Variants in DGKI observed in about 807,000 individuals in gnomAD.
DGKI encodes diacylglycerol kinase iota, also known as DAG kinase iota.
Under a neutral mutation model 147.5 loss-of-function variants are expected in DGKI, and 55 were observed. The ratio of observed to expected loss-of-function variants is 0.37; its 90% CI spans 0.30 to 0.47. The LOEUF is 0.47. Ranked by LOEUF, DGKI falls within the 20% of genes least tolerant of loss-of-function variation. DGKI has a pLI of 1.00. For missense variants in DGKI, 1,007 were observed against 1,323.8 expected (o/e 0.76, Z 3.71); for synonymous variants, 469 against 477.1 (o/e 0.98, Z 0.22).
At chr7:137,616,859 T>C (rs751981815) in intron 8 of DGKI, among the ~76,000 whole-genome samples, 68 of 152,092 alleles carry the variant, frequency 4.5e-4, no homozygotes, top group Non-Finnish European at 8.2e-4. Context: ...TTTGTTGGGA[T>C]GAAGGAAAGG....
chr7:137,581,767 G>T, intron 15 of DGKI, 83 bp downstream of exon 15: 2 of 1,166,568 alleles, frequency 1.7e-6, no homozygotes, highest in Non-Finnish European at 1.3e-6. Context: ...AAACGCGTAA[G>T]TGATATACAA....
chr7:137,402,717 C>A (rs187423433), intron 30 of DGKI, among the ~76,000 whole-genome samples: 20 of 152,294 alleles, frequency 1.3e-4, no homozygotes, highest in Admixed American at 1.1e-3. Context: ...TGCCAGCAGA[C>A]CATTCCAAAT....
intron 32 of DGKI, 62 bp downstream of exon 32, chr7:137,395,536 A>G (rs1309036321): frequency 2.0e-6 from 3 of 1,506,438 alleles, no homozygotes; most frequent in Admixed American, 3.4e-5. Flanking sequence ...GTCACAAGCA[A>G]AGGCAACAGC....
intron 1 of DGKI, among the ~76,000 whole-genome samples, chr7:137,747,696 C>T (rs1050856773): frequency 6.6e-6 from 1 of 152,086 alleles, no homozygotes; most frequent in East Asian, 1.9e-4. Context: ...TTCAAGACAC[C>T]AAGAACCTGG....
At chr7:137,676,379 G>A (rs1585359028) in intron 3 of DGKI, among the ~76,000 whole-genome samples, 1 of 152,054 alleles carries the variant, frequency 6.6e-6, no homozygotes, top group Admixed American at 6.5e-5. Context: ...GTCCTTCCTG[G>A]GTTTTTTCTT....
intron 28 of DGKI, among the ~76,000 whole-genome samples, chr7:137,416,511 G>A (rs1432595179): frequency 2.6e-5 from 4 of 152,176 alleles, no homozygotes; most frequent in Non-Finnish European, 5.9e-5. Flanking sequence ...CAGGTAACGC[G>A]ATCCAAGGTT....
At chr7:137,602,561 A>G (rs1004591143) in intron 10 of DGKI, among the ~76,000 whole-genome samples, 10 of 152,222 alleles carry the variant, frequency 6.6e-5, no homozygotes, top group African/African-American at 1.7e-4. Flanking sequence ...TATCTAAAAG[A>G]AAGCGTTGAA....
intron 27 of DGKI, among the ~76,000 whole-genome samples, chr7:137,447,382 A>T (rs1464799107): frequency 1.3e-5 from 2 of 152,220 alleles, no homozygotes; most frequent in African/African-American, 4.8e-5. Flanking sequence ...TAAAAAATAT[A>T]TAATGATCAA....
intron 1 of DGKI, among the ~76,000 whole-genome samples, chr7:137,811,659 T>C (rs1250682401): frequency 6.6e-6 from 1 of 152,230 alleles, no homozygotes. Flanking sequence ...AGGCATCATG[T>C]ACACCCAATT....
intron 28 of DGKI, among the ~76,000 whole-genome samples, chr7:137,416,298 G>A (rs759726070): frequency 4.6e-5 from 7 of 152,202 alleles, no homozygotes; most frequent in Admixed American, 4.6e-4. Context: ...TCTTGACTAG[G>A]TGTGGAGTTC....
At chr7:137,822,181 T>C (rs942906922) in intron 1 of DGKI, among the ~76,000 whole-genome samples, 1 of 152,118 alleles carries the variant, frequency 6.6e-6, no homozygotes, top group Non-Finnish European at 1.5e-5. Context: ...CTGAGGCGGT[T>C]GGATCACCTG....
chr7:137,442,672 GA>G (rs1280438915), intron 28 of DGKI, among the ~76,000 whole-genome samples: 3 of 152,182 alleles, frequency 2.0e-5, no homozygotes, highest in Non-Finnish European at 4.4e-5. Flanking sequence ...TTTTCCCTAT[GA>G]TTCTTCATAG....
chr7:137,740,220 T>G (rs1795137643), intron 1 of DGKI, among the ~76,000 whole-genome samples: 1 of 152,220 alleles, frequency 6.6e-6, no homozygotes, highest in South Asian at 2.1e-4. Flanking sequence ...GGAATAAGTT[T>G]AAAGTATCTT....
rs1811111657 is a variant in DGKI, at chr7:137,383,700, T to A, written c.*7520A>T. ...GGATGCAATGTTTAGGAAAAATAAA[T>A]CCTTATAAGTAATAAAGCTAACTCC... On this transcript the variant is annotated 3_prime_UTR_variant, in exon 33 of 33. Coordinates refer to ENST00000614521, the MANE Select transcript of DGKI (RefSeq NM_001321708.2). The A allele has an allele frequency of 6.6e-6, 1 of 152,012 alleles. No homozygotes were observed. The allele number at this position is 152,012 out of a possible 1,614,324, so 9.4% of individuals were successfully genotyped here.
chr7:137,785,637 A>C (rs1370555238), intron 1 of DGKI, among the ~76,000 whole-genome samples: 2 of 152,162 alleles, frequency 1.3e-5, no homozygotes, highest in East Asian at 1.9e-4. Flanking sequence ...AGCCAGTATC[A>C]CCCTAATACC....
intron 2 of DGKI, among the ~76,000 whole-genome samples, chr7:137,687,957 A>T (rs1168348043): frequency 1.3e-5 from 2 of 152,200 alleles, no homozygotes; most frequent in African/African-American, 4.8e-5. Flanking sequence ...TTTTTCCCTC[A>T]TTCTGTACTG....
At chr7:137,660,786 G>A (rs889252548) in intron 3 of DGKI, among the ~76,000 whole-genome samples, 5 of 151,848 alleles carry the variant, frequency 3.3e-5, no homozygotes, top group Non-Finnish European at 7.4e-5. Flanking sequence ...AGAAAAACAG[G>A]AAAGGAAGGA....
At chr7:137,549,654 A>G (rs1817980724) in intron 20 of DGKI, among the ~76,000 whole-genome samples, 1 of 152,234 alleles carries the variant, frequency 6.6e-6, no homozygotes, top group Non-Finnish European at 1.5e-5. Context: ...GGTGCACTTC[A>G]CACAATTGAT....
At chr7:137,562,054 C>T (rs1007786486) in intron 19 of DGKI, among the ~76,000 whole-genome samples, 10 of 152,244 alleles carry the variant, frequency 6.6e-5, no homozygotes, top group Non-Finnish European at 8.8e-5. Flanking sequence ...AGAAAAATGA[C>T]GCCAGATGGA....
Sources: allele counts gnomAD v4.1 joint callset (sites outside exome capture counted in the v4.1 genomes callset), GRCh38; gene constraint gnomAD v4.1.1; transcripts MANE v1.5; gene names NCBI Gene and HGNC (gene_info 2026-07-23, HGNC 2026-07-21).